The following LARGE1 variants were observed in gnomAD, a reference collection of about 807,000 sequenced individuals.
LARGE1 encodes xylosyl- and glucuronyltransferase LARGE1.
In LARGE1, 43 loss-of-function variants were observed where a neutral mutation model predicts 87.6. That is an observed-to-expected ratio of 0.49 (90% CI 0.38 to 0.63). The LOEUF (loss-of-function observed/expected upper bound fraction) is 0.63. Ranked by LOEUF, LARGE1 falls within the 30% of genes least tolerant of loss-of-function variation. LARGE1 has a pLI of 0.00. For missense variants in LARGE1, 802 were observed against 1,000.2 expected, an observed-to-expected ratio of 0.80 and a Z score of 2.67; for synonymous variants, 434 against 394.6, an observed-to-expected ratio of 1.10 and a Z score of -1.18.
chr22:33,149,926 C>T, the LARGE1 span, among the ~76,000 whole-genome samples: 4 of 152,148 alleles, frequency 2.6e-5, no homozygotes, highest in Non-Finnish European at 4.4e-5. Flanking sequence ...CTTCCTTCTA[C>T]GTAATTATTT....
chr22:33,258,014 G>A (rs1302252821), intron 11 of LARGE1, among the ~76,000 whole-genome samples: 2 of 151,172 alleles, frequency 1.3e-5, no homozygotes, highest in Admixed American at 6.6e-5. Context: ...ACCTGGATGG[G>A]GGGATCAAGA....
the LARGE1 span, among the ~76,000 whole-genome samples, chr22:33,093,019 T>G: frequency 6.6e-6 from 1 of 150,774 alleles, no homozygotes; most frequent in East Asian, 1.9e-4. Flanking sequence ...AAATGGTATT[T>G]CTGGTTCTAG....
chr22:33,619,734 A>G (rs2079688222), intron 4 of LARGE1, among the ~76,000 whole-genome samples: 1 of 152,098 alleles, frequency 6.6e-6, no homozygotes, highest in Non-Finnish European at 1.5e-5. Context: ...TTTAACTCTG[A>G]GTAAAATGGA....
chr22:33,349,353 T>C (rs566268431), intron 9 of LARGE1, among the ~76,000 whole-genome samples: 2 of 152,206 alleles, frequency 1.3e-5, no homozygotes, highest in African/African-American at 4.8e-5. Context: ...GAATCTAATA[T>C]AGGTGTTCAC....
intron 3 of LARGE1, among the ~76,000 whole-genome samples, chr22:33,650,135 A>G (rs765298406): frequency 6.6e-6 from 1 of 152,200 alleles, no homozygotes; most frequent in Non-Finnish European, 1.5e-5. Flanking sequence ...TAATATCTGT[A>G]GATTACGCCT....
intron 11 of LARGE1, among the ~76,000 whole-genome samples, chr22:33,197,961 T>C (rs945249257): frequency 2.6e-5 from 4 of 152,060 alleles, no homozygotes; most frequent in Non-Finnish European, 4.4e-5. Flanking sequence ...ACAGACCCAC[T>C]AAAATGTGGT....
At chr22:33,523,191 A>G (rs2071702008) in intron 6 of LARGE1, among the ~76,000 whole-genome samples, 1 of 151,698 alleles carries the variant, frequency 6.6e-6, no homozygotes, top group Admixed American at 6.6e-5. Context: ...TTTAGTAGAG[A>G]CGGGGTTTCA....
chr22:33,647,919 G>A (rs1018373003), intron 3 of LARGE1, among the ~76,000 whole-genome samples: 1 of 152,002 alleles, frequency 6.6e-6, no homozygotes, highest in African/African-American at 2.4e-5. Flanking sequence ...CACCACATCC[G>A]GCTGATTTTT....
At chr22:33,294,713 C>T (rs1932990674) in intron 12 of LARGE1, among the ~76,000 whole-genome samples, 1 of 152,194 alleles carries the variant, frequency 6.6e-6, no homozygotes. Flanking sequence ...GCATGTACCT[C>T]TCAGCCCTGC....
chr22:33,214,819 T>C (rs976937929), intron 11 of LARGE1, among the ~76,000 whole-genome samples: 62 of 152,340 alleles, frequency 4.1e-4, no homozygotes, highest in African/African-American at 1.4e-3. Context: ...TTCTGGGGCA[T>C]TGACTTTGCG....
At chr22:33,493,156 T>G (rs2069935708) in intron 6 of LARGE1, among the ~76,000 whole-genome samples, 1 of 134,802 alleles carries the variant, frequency 7.4e-6, no homozygotes, top group South Asian at 2.6e-4. Context: ...ATGGTGGCCT[T>G]TTTTTTTTTT....
chr22:33,411,363 T>C (rs747994215), intron 7 of LARGE1, among the ~76,000 whole-genome samples: 2 of 152,218 alleles, frequency 1.3e-5, no homozygotes, highest in South Asian at 4.1e-4. Context: ...TCAGAGATCA[T>C]CTGCCTAAAT....
intron 3 of LARGE1, among the ~76,000 whole-genome samples, chr22:33,633,903 C>T (rs1433475551): frequency 2.0e-5 from 3 of 152,134 alleles, no homozygotes; most frequent in Non-Finnish European, 4.4e-5. Flanking sequence ...GTGTGCAAAT[C>T]CCACAACAAG....
chr22:33,897,588 A>C (rs747244732), intron 1 of LARGE1, among the ~76,000 whole-genome samples: 7 of 152,214 alleles, frequency 4.6e-5, no homozygotes, highest in African/African-American at 1.2e-4. Flanking sequence ...AGGTGAAATC[A>C]GAGGGGGAAT....
chr22:33,894,146 C>T (rs1184940096), intron 1 of LARGE1, among the ~76,000 whole-genome samples: 2 of 151,972 alleles, frequency 1.3e-5, no homozygotes, highest in South Asian at 4.2e-4. Flanking sequence ...TTGGTCCAGG[C>T]CCTGCCCTTA....
chr22:33,564,794 G>T (rs2077973201), intron 6 of LARGE1, 54 bp downstream of exon 6: 4 of 1,588,792 alleles, frequency 2.5e-6, no homozygotes, highest in Non-Finnish European at 3.5e-6. Context: ...CCCTATTCTT[G>T]GCATGCTGAT....
intron 1 of LARGE1, among the ~76,000 whole-genome samples, chr22:33,810,849 A>G (rs545866856): frequency 5.9e-5 from 9 of 151,954 alleles, no homozygotes; most frequent in Admixed American, 5.2e-4. Flanking sequence ...TCAGTCTCCC[A>G]AGTAGCTGGG....
At chr22:33,183,622 A>ACACG (rs1555880677) in intron 11 of LARGE1, among the ~76,000 whole-genome samples, 4 of 92,754 alleles carry the variant, frequency 4.3e-5, no homozygotes, top group African/African-American at 9.6e-5. Context: ...ACACACACGC[A>ACACG]CACACACACA....
intron 1 of LARGE1, among the ~76,000 whole-genome samples, chr22:33,864,863 G>C (rs755468859): frequency 1.3e-5 from 2 of 152,186 alleles, no homozygotes; most frequent in Non-Finnish European, 2.9e-5. Flanking sequence ...TATTTGGACT[G>C]TACTCCTGAT....
Sources: allele counts gnomAD v4.1 joint callset (sites outside exome capture counted in the v4.1 genomes callset), GRCh38; gene constraint gnomAD v4.1.1; transcripts MANE v1.5; gene names NCBI Gene and HGNC (gene_info 2026-07-23, HGNC 2026-07-21).